The following RUFY3 variants were observed in gnomAD, a reference collection of about 807,000 sequenced individuals.
RUFY3 encodes RUN and FYVE domain containing 3.
RUFY3 carries 34 observed loss-of-function variants against 84.0 expected under a neutral mutation model. The ratio of observed to expected loss-of-function variants is 0.40; its 90% CI spans 0.31 to 0.54. The LOEUF (loss-of-function observed/expected upper bound fraction) is 0.54, where lower values mean the gene tolerates loss of function less well. Ranked by LOEUF, RUFY3 falls within the 20% of genes least tolerant of loss-of-function variation. The probability of loss-of-function intolerance (pLI) is 0.39; values close to 1 mark genes in which losing one functional copy is unlikely to be tolerated. For synonymous variants in RUFY3, 242 were observed against 252.9 expected, an observed-to-expected ratio of 0.96 and a Z score of 0.41; for missense variants, 507 against 736.8, an observed-to-expected ratio of 0.69 and a Z score of 3.61.
intron 4 of RUFY3, among the ~76,000 whole-genome samples, chr4:70,765,738 A>C (rs576289138): frequency 2.2e-4 from 33 of 150,288 alleles, no homozygotes; most frequent in African/African-American, 8.1e-4. Flanking sequence ...TTTTTGTGCT[A>C]TTTTGTCATT....
chr4:70,752,974 G>C (rs1408179289), intron 1 of RUFY3, among the ~76,000 whole-genome samples: 5 of 152,168 alleles, frequency 3.3e-5, no homozygotes, highest in Non-Finnish European at 5.9e-5. Flanking sequence ...TCAAGGATTG[G>C]TGTCAATTCC....
intron 1 of RUFY3, among the ~76,000 whole-genome samples, chr4:70,708,316 T>A (rs1740576959): frequency 6.6e-6 from 1 of 151,758 alleles, no homozygotes; most frequent in Non-Finnish European, 1.5e-5. Flanking sequence ...GGATTACAGG[T>A]GCGCACCACC....
chr4:70,725,561 C>CCTCA (rs1718102282), intron 1 of RUFY3, among the ~76,000 whole-genome samples: 2 of 152,136 alleles, frequency 1.3e-5, no homozygotes, highest in Admixed American at 6.5e-5. Context: ...GAACTCCCAA[C>CCTCA]CTCAGGTGAT....
intron 3 of RUFY3, among the ~76,000 whole-genome samples, chr4:70,764,100 T>A (rs191128117): frequency 6.6e-6 from 1 of 152,316 alleles, no homozygotes; most frequent in African/African-American, 2.4e-5. Flanking sequence ...ATGAGACTGG[T>A]TTAATTTTAA....
At chr4:70,783,335 TGGGA>T in intron 9 of RUFY3, 152 bp downstream of exon 9, 2 of 635,394 alleles carry the variant, frequency 3.1e-6, no homozygotes, top group Middle Eastern at 3.8e-4. Flanking sequence ...ATGAAGGTTG[TGGGA>T]GGGTTATGCG....
At position 70,794,900 on chromosome 4, in the gene RUFY3, A is replaced by C; in HGVS notation, c.1557+6A>C. ...AGAAGTCAGAATCCAAGATGGTAAT[A>C]TTTGCTATTCCCTTGTTCTTTTACT... On this transcript the variant is annotated splice_donor_region_variant and intron_variant, in intron 14 of 17. Coordinates refer to ENST00000381006, the MANE Select transcript of RUFY3 (RefSeq NM_001037442.4). 1 of 1,542,744 alleles carries C rather than the reference A, an allele frequency of 6.5e-7. No homozygotes were observed. The highest frequency in any genetic ancestry group is 8.9e-7 in the Non-Finnish European group (1 of 1,117,644).
chr4:70,759,356 TTGTGTGTGTGTGTGTATGTG>T (rs1258704990), intron 1 of RUFY3, among the ~76,000 whole-genome samples: 5 of 120,008 alleles, frequency 4.2e-5, no homozygotes, highest in East Asian at 5.7e-4. Flanking sequence ...ATGGCTGAAT[TTGTGTGTGTGTGTGTATGTG>T]TGTGTGTGTG....
chr4:70,807,302 ATTATCAAAAAAAAGAACATTTGTTT>A lies in RUFY3; in HGVS notation c.*646_*670del, dbSNP rs1732940724. The stretch of plus-strand genomic sequence containing the variant: ...CTGGTCTTTACCTACAAGGGTTTTC[ATTATCAAAAAAAAGAACATTTGTTT>A]TTCTACTTTATGACTTCAAAGTAAA... On this transcript the variant is annotated 3_prime_UTR_variant, in exon 18 of 18. Transcript: ENST00000381006. 6.6e-6 allele frequency: 1 copy of A among 151,806 alleles called. No individual in the cohort carries two copies. Among genetic ancestry groups the A allele is most frequent in the Non-Finnish European group, 1.5e-5 (1 of 67,968 alleles). The allele number at this position is 151,806 out of a possible 1,614,324, so 9.4% of individuals were successfully genotyped here.
Position 70,807,767 on chromosome 4 carries a change from C to T in RUFY3, c.*1108C>T, listed in dbSNP as rs1732980035. 2.0e-5 allele frequency among the ~76,000 whole-genome samples: 3 copies of T among 151,562 alleles called. No homozygotes were observed. Among genetic ancestry groups the T allele is most frequent in the African/African-American group, 7.3e-5 (3 of 41,222 alleles). ...CCTCCCACCTTGACTTCCACAGTGC[C>T]GAGATTACAGGCATGAGCCACCACA... On this transcript the variant is annotated 3_prime_UTR_variant, in exon 18 of 18. Transcript: ENST00000381006.
At chr4:70,787,776 A>G (rs1007537219) in intron 10 of RUFY3, among the ~76,000 whole-genome samples, 1 of 152,206 alleles carries the variant, frequency 6.6e-6, no homozygotes, top group African/African-American at 2.4e-5. Context: ...GAAGTGGCAC[A>G]TAATAAAAAT....
chr4:70,764,682 A>C (rs183217805), intron 4 of RUFY3, 106 bp downstream of exon 4: 3 of 642,714 alleles, frequency 4.7e-6, no homozygotes, highest in Middle Eastern at 4.2e-4. Context: ...CATTTGATTC[A>C]TAACAGCTTC....
At chr4:70,727,767 A>G (rs187715847) in intron 1 of RUFY3, among the ~76,000 whole-genome samples, 2 of 150,760 alleles carry the variant, frequency 1.3e-5, no homozygotes, top group South Asian at 2.1e-4. Flanking sequence ...AGCCTGGGCA[A>G]CAAGAGAGAA....
chr4:70,754,302 C>T (rs184222881), intron 1 of RUFY3, among the ~76,000 whole-genome samples: 9 of 152,246 alleles, frequency 5.9e-5, no homozygotes, highest in Non-Finnish European at 1.2e-4. Context: ...ATCCACCTGC[C>T]TCGGCCTCCC....
Position 70,800,578 on chromosome 4 carries a change from C to G in RUFY3, c.1622+373C>G, listed in dbSNP as rs1732094846. On this transcript the variant is annotated intron_variant, in intron 15 of 17. Transcript: ENST00000381006. ...ATATTTGAGTATGACTTGTTTCTAC[C>G]TCTGTGCTAAATTTCAAATAAGTGG... Among the ~76,000 whole-genome samples the G allele has an allele frequency of 2.0e-5, 3 of 152,094 alleles. No individual in the cohort carries two copies. The South Asian group carries it at 6.2e-4, about 32-fold the overall frequency.
chr4:70,755,748 A>G (rs1199572226), intron 1 of RUFY3, among the ~76,000 whole-genome samples: 2 of 152,056 alleles, frequency 1.3e-5, no homozygotes, highest in South Asian at 2.1e-4. Context: ...TCAGGAGATC[A>G]AGACCATCCT....
rs931855271 is a variant in RUFY3, at chr4:70,794,677, A to G, written c.1458-118A>G. 1.3e-5 allele frequency: 9 copies of G among 699,384 alleles called. No homozygotes were observed. In the East Asian group the frequency reaches 1.9e-4, roughly 14 times the overall value. 43.3% of individuals were successfully genotyped at this position (699,384 alleles called of 1,614,324 possible). On this transcript the variant is annotated intron_variant, in intron 13 of 17. Coordinates refer to ENST00000381006, the MANE Select transcript of RUFY3 (RefSeq NM_001037442.4). ...TCATTTAAAAACCTGTCTCTCTGAC[A>G]GCAAGCCCTTAACCATTCGTAATTA...
chr4:70,705,673 C>T lies in RUFY3; in HGVS notation c.358+379C>T, dbSNP rs538459163. Among the ~76,000 whole-genome samples, 939 of 152,306 alleles carry T rather than the reference C, an allele frequency of 6.2e-3. 10 individuals carry two copies. The highest frequency in any genetic ancestry group is 0.022 in the African/African-American group (921 of 41,580). On this transcript the variant is annotated intron_variant, in intron 1 of 11. Coordinates refer to the RUFY3 transcript ENST00000417478. ...CCCTGGCCCTGTCCCGGGTCCCGGGCTGGGAACCTTCCCCGAAGGAGTCTA... is the reference window on the plus strand; with the variant it reads ...CCCTGGCCCTGTCCCGGGTCCCGGGTTGGGAACCTTCCCCGAAGGAGTCTA...
At chr4:70,801,366 ATGT>A (rs1160387043) in intron 15 of RUFY3, among the ~76,000 whole-genome samples, 1 of 152,052 alleles carries the variant, frequency 6.6e-6, no homozygotes, top group African/African-American at 2.4e-5. Flanking sequence ...CTGGGTGATG[ATGT>A]TGTGTCAGTG....
intron 15 of RUFY3, 144 bp downstream of exon 15, chr4:70,800,349 G>A: frequency 1.6e-6 from 1 of 622,374 alleles, no homozygotes; most frequent in Non-Finnish European, 2.7e-6. Flanking sequence ...TGAAGTGGAA[G>A]TTAATAATAA....
Sources: allele counts gnomAD v4.1 joint callset (sites outside exome capture counted in the v4.1 genomes callset), GRCh38; gene constraint gnomAD v4.1.1; transcripts MANE v1.5; gene names NCBI Gene and HGNC (gene_info 2026-07-23, HGNC 2026-07-21).